The following PMS1 variants were observed in gnomAD, a reference collection of about 807,000 sequenced individuals.
PMS1 encodes the protein PMS1 homolog 1, mismatch repair system component.
Under a neutral mutation model 93.1 loss-of-function variants are expected in PMS1, and 79 were observed. That is an observed-to-expected ratio of 0.85 (90% CI 0.71 to 1.02). The LOEUF (loss-of-function observed/expected upper bound fraction) is 1.02, where lower values mean the gene tolerates loss of function less well. PMS1 is among the 50% of genes least tolerant of loss of function. PMS1 has a pLI of 0.00. For synonymous variants in PMS1, 335 were observed against 363.4 expected, an observed-to-expected ratio of 0.92 and a Z score of 0.89; for missense variants, 1,064 against 1,085.3, an observed-to-expected ratio of 0.98 and a Z score of 0.28.
At chr2:189,804,421 A>T (rs1338693689) in intron 3 of PMS1, among the ~76,000 whole-genome samples, 2 of 152,204 alleles carry the variant, frequency 1.3e-5, no homozygotes, top group African/African-American at 4.8e-5. Flanking sequence ...AAGAGTACTC[A>T]GAAACTCCCA....
intron 10 of PMS1, among the ~76,000 whole-genome samples, chr2:189,864,980 AC>A (rs2056513592): frequency 6.6e-6 from 1 of 151,578 alleles, no homozygotes; most frequent in African/African-American, 2.4e-5. Flanking sequence ...AGACTTTGCC[AC>A]ATTTGCTTTA....
At chr2:189,874,932 A>G (rs899657307) in intron 12 of PMS1, among the ~76,000 whole-genome samples, 5 of 152,106 alleles carry the variant, frequency 3.3e-5, no homozygotes, top group African/African-American at 1.2e-4. Flanking sequence ...TAACAGGAAT[A>G]AAGTAAATTG....
intron 6 of PMS1, among the ~76,000 whole-genome samples, chr2:189,844,656 A>C (rs1339659582): frequency 6.6e-6 from 1 of 150,644 alleles, no homozygotes; most frequent in Non-Finnish European, 1.5e-5. Context: ...AAAAAAAAAA[A>C]AAAAAAACTG....
intron 2 of PMS1, among the ~76,000 whole-genome samples, chr2:189,794,483 T>G (rs1159290797): frequency 1.3e-5 from 2 of 152,268 alleles, no homozygotes; most frequent in African/African-American, 4.8e-5. Flanking sequence ...ATGTTTTGTA[T>G]ATCTAATTTA....
At chr2:189,850,899 G>A (rs2054636606) in intron 6 of PMS1, among the ~76,000 whole-genome samples, 1 of 152,172 alleles carries the variant, frequency 6.6e-6, no homozygotes, top group Non-Finnish European at 1.5e-5. Context: ...TAGAGATGAA[G>A]GGAAGAGAGG....
At chr2:189,808,344 T>C (rs940390737) in intron 4 of PMS1, among the ~76,000 whole-genome samples, 1 of 152,152 alleles carries the variant, frequency 6.6e-6, no homozygotes, top group African/African-American at 2.4e-5. Flanking sequence ...TATTCTTATT[T>C]TGAGACAGAG....
At chr2:189,789,948 A>G (rs532438417) in intron 1 of PMS1, among the ~76,000 whole-genome samples, 1 of 152,282 alleles carries the variant, frequency 6.6e-6, no homozygotes, top group East Asian at 1.9e-4. Context: ...TTACAGATGG[A>G]ATTTCCATAG....
At chr2:189,869,672 G>T (rs1025831753) in intron 11 of PMS1, among the ~76,000 whole-genome samples, 2 of 151,988 alleles carry the variant, frequency 1.3e-5, no homozygotes, top group Non-Finnish European at 2.9e-5. Flanking sequence ...ACAAAAATTA[G>T]CCGGGCATGT....
In PMS1 at chr2:189,873,606, G is replaced by T; in HGVS notation, c.2584G>T (p.Ala862Ser). 1 of 1,606,606 alleles carries T rather than the reference G, an allele frequency of 6.2e-7. No individual in the cohort carries two copies. The highest frequency in any genetic ancestry group is 1.3e-5 in the African/African-American group (1 of 74,880). The change falls in exon 12 of 13, where the codon GCA becomes TCA. Residue 862 changes from alanine (A) to serine (S), a missense_variant. Physicochemically the swap from Ala to Ser is moderately conservative, Grantham distance 99. Coordinates refer to ENST00000441310, the MANE Select transcript of PMS1 (RefSeq NM_000534.5). ...TCTTAATGCTATATTAAACAGAAAT[G>T]CAAAGGAAGTTTATGAATGTAGACC... ...EILNAILNRNAKEVYECRPRK... is the reference protein window; with the variant it reads ...EILNAILNRNSKEVYECRPRK...
intron 2 of PMS1, among the ~76,000 whole-genome samples, chr2:189,793,010 A>C (rs898901540): frequency 6.6e-6 from 1 of 152,030 alleles, no homozygotes; most frequent in Non-Finnish European, 1.5e-5. Context: ...GGGTTTCGCC[A>C]TGTCGGCCAG....
At chr2:189,816,151 G>A (rs1371540756) in intron 4 of PMS1, among the ~76,000 whole-genome samples, 1 of 151,984 alleles carries the variant, frequency 6.6e-6, no homozygotes, top group Non-Finnish European at 1.5e-5. Flanking sequence ...ACTGCCTAAG[G>A]CTCCCAAGTA....
At chr2:189,828,486 A>G (rs138838022) in intron 5 of PMS1, among the ~76,000 whole-genome samples, 263 of 152,332 alleles carry the variant, frequency 1.7e-3, no homozygotes, top group African/African-American at 6.0e-3. Flanking sequence ...TAAACACTCA[A>G]TTGCAGAGTT....
chr2:189,872,470 A>G (rs1355423475), intron 11 of PMS1, among the ~76,000 whole-genome samples: 1 of 152,112 alleles, frequency 6.6e-6, no homozygotes, highest in Non-Finnish European at 1.5e-5. Flanking sequence ...TGTAGACTTC[A>G]TGAAAGAACA....
At chr2:189,850,092 ACTACTTTTATGTGGGTGGCC>A (rs2054579375) in intron 6 of PMS1, among the ~76,000 whole-genome samples, 2 of 152,092 alleles carry the variant, frequency 1.3e-5, no homozygotes, top group African/African-American at 4.8e-5. Context: ...AACATCTTTA[ACTACTTTTATGTGGGTGGCC>A]TTTTGAAAAT....
At chr2:189,868,367 G>A (rs1370986381) in intron 11 of PMS1, among the ~76,000 whole-genome samples, 1 of 152,190 alleles carries the variant, frequency 6.6e-6, no homozygotes, top group Admixed American at 6.5e-5. Context: ...ACTATATGGA[G>A]AATGGATGAT....
Position 189,795,809 on chromosome 2 carries a change from G to T in PMS1, c.173G>T (p.Gly58Val). 1 of 1,613,808 alleles carries T rather than the reference G, an allele frequency of 6.2e-7. No individual in the cohort carries two copies. Among genetic ancestry groups the T allele is most frequent in the Non-Finnish European group, 8.5e-7 (1 of 1,179,760 alleles). Residue 58 changes from glycine to valine, a missense_variant, in exon 3 of 13, where the codon GGG (glycine) becomes GTG (valine). Transcript: ENST00000441310. ...GATAAAATTGAGGTGCGAGATAACG[G>T]GGAGGGTATCAAGGCTGTTGATGCA... is the stretch of plus-strand genomic sequence containing the variant. ...GFDKIEVRDN[G>V]EGIKAVDAPV... is the part of the protein sequence containing the mutation.
chr2:189,868,874 C>T (rs2106533736), intron 11 of PMS1, among the ~76,000 whole-genome samples: 1 of 152,218 alleles, frequency 6.6e-6, no homozygotes, highest in Middle Eastern at 3.4e-3. Flanking sequence ...TCTATTAGTC[C>T]AAATCCCAGC....
intron 1 of PMS1, among the ~76,000 whole-genome samples, chr2:189,790,758 C>T (rs1351798336): frequency 2.6e-5 from 4 of 152,020 alleles, no homozygotes; most frequent in African/African-American, 9.7e-5. Context: ...GACTGGGTGA[C>T]CAAAGGTGAA....
intron 10 of PMS1, among the ~76,000 whole-genome samples, chr2:189,865,182 T>C (rs2056536382): frequency 1.3e-5 from 2 of 152,180 alleles, no homozygotes; most frequent in Non-Finnish European, 1.5e-5. Context: ...CAAAATACCT[T>C]TTTTTCCAGT....
Sources: gnomAD v4.1 joint callset for allele counts (sites outside exome capture counted in the v4.1 genomes callset) on GRCh38, gnomAD v4.1.1 for gene constraint, MANE v1.5 for transcripts, NCBI Gene and HGNC (gene_info 2026-07-23, HGNC 2026-07-21) for gene names.